Variants in DMD observed in about 807,000 individuals in gnomAD.
The protein encoded by DMD is dystrophin.
Under a neutral mutation model 330.1 loss-of-function variants are expected in DMD, and 63 were observed. That is an observed-to-expected ratio of 0.19 (90% confidence interval 0.16 to 0.24). The LOEUF is 0.24. DMD is among the 10% of genes least tolerant of loss of function. The pLI is 1.00. For missense variants in DMD, 3,344 were observed against 2,684.1 expected (o/e 1.25, Z -5.43); for synonymous variants, 1,223 against 959.8 (o/e 1.27, Z -5.07).
intron 30 of DMD, among the ~76,000 whole-genome samples, chrX:32,401,334 T>TA (rs60364627): frequency 0.17 from 18,972 of 109,346 alleles, 1,601 homozygotes; most frequent in African/African-American, 0.32. Flanking sequence ...AGTATAATAA[T>TA]AAAAAAAAGA....
chrX:31,330,034 C>G (rs1271923834), intron 61 of DMD, among the ~76,000 whole-genome samples: 1 of 96,957 alleles, frequency 1.0e-5, no homozygotes, highest in African/African-American at 3.9e-5. Flanking sequence ...TTGCCATGCA[C>G]AGACACACAC....
chrX:32,328,107 A>G (rs2097660570), intron 41 of DMD, among the ~76,000 whole-genome samples: 1 of 111,661 alleles, frequency 9.0e-6, no homozygotes, highest in African/African-American at 3.2e-5. Flanking sequence ...GAAATAAAGA[A>G]TGTGAAAAAA....
At chrX:33,306,675 C>A (rs771272751) in intron 1 of DMD, among the ~76,000 whole-genome samples, 1 of 110,801 alleles carries the variant, frequency 9.0e-6, no homozygotes, top group East Asian at 2.9e-4. Flanking sequence ...TACATCACAG[C>A]AATATAAATG....
Position 32,712,999 on chromosome X carries a change from A to G in DMD, c.650-13706T>C, listed in dbSNP as rs139922644. On this transcript the variant is annotated intron_variant, in intron 7 of 78. Coordinates refer to ENST00000357033, the MANE Select transcript of DMD (RefSeq NM_004006.3). ...TAGCTAACCTATTCTATCTCTAGAG[A>G]CATGAAATGTCACCCTAATTGTGTA... Among the ~76,000 whole-genome samples the G allele has an allele frequency of 6.7e-3, 749 of 111,494 alleles. 10 individuals are homozygous for G. Among genetic ancestry groups the G allele is most frequent in the African/African-American group, 0.023 (723 of 30,790 alleles).
chrX:31,311,865 C>T (rs1456475309), intron 62 of DMD, among the ~76,000 whole-genome samples: 1 of 111,529 alleles, frequency 9.0e-6, no homozygotes, highest in Non-Finnish European at 1.9e-5. Flanking sequence ...AAAGGATCTC[C>T]TATTCAGTAA....
chrX:31,478,073 C>T (rs1172369718), intron 59 of DMD, 33 bp downstream of exon 59: 28 of 1,205,052 alleles, frequency 2.3e-5, no homozygotes, highest in Non-Finnish European at 3.1e-5. Flanking sequence ...TTGAGTCTCT[C>T]AAAGGGCCCT....
At chrX:32,194,816 T>C (rs2096991716) in intron 44 of DMD, among the ~76,000 whole-genome samples, 1 of 111,828 alleles carries the variant, frequency 8.9e-6, no homozygotes, top group Admixed American at 9.6e-5. Context: ...AAATATAATA[T>C]ATTCATTATG....
At chrX:32,278,469 G>T (rs931738672) in intron 43 of DMD, among the ~76,000 whole-genome samples, 1 of 110,858 alleles carries the variant, frequency 9.0e-6, no homozygotes, top group South Asian at 3.8e-4. Flanking sequence ...GAAAATTTTC[G>T]CAACCTACTC....
At position 32,178,971 on chromosome X, in the gene DMD, T is replaced by TCTCTCC. The variant is rs1557194188; in HGVS notation, c.6438+37944_6438+37945insGGAGAG. Among the ~76,000 whole-genome samples, 106 of 103,527 alleles carry TCTCTCC rather than the reference T, an allele frequency of 1.0e-3. 1 individual carries two copies. The highest frequency in any genetic ancestry group is 3.3e-3 in the African/African-American group (89 of 26,630). The allele number at this position is 103,527 out of a possible 115,157, so 89.9% of individuals were successfully genotyped here. A position where few individuals can be genotyped will look rare whatever the true frequency, so the allele number is the denominator to read the frequency against. ...CTCTCTCTCTCTCTCTCTCTCTCTC[T>TCTCTCC]CTCTCTCTCTCCCTCTCCTCCTGCT... On this transcript the variant is annotated intron_variant, in intron 44 of 78. Coordinates refer to ENST00000357033, the MANE Select transcript of DMD (RefSeq NM_004006.3).
At chrX:32,871,901 C>T (rs2083025677) in intron 2 of DMD, among the ~76,000 whole-genome samples, 1 of 110,965 alleles carries the variant, frequency 9.0e-6, no homozygotes, top group Non-Finnish European at 1.9e-5. Flanking sequence ...CCTCCCTCCC[C>T]ATCATAACAC....
intron 44 of DMD, among the ~76,000 whole-genome samples, chrX:32,151,595 T>A (rs1795590): frequency 0.37 from 40,514 of 110,705 alleles, 5,679 homozygotes; most frequent in Admixed American, 0.44. Context: ...GCAGCAGAAT[T>A]TAGCCACTGG....
chrX:31,856,120 C>T (rs773696829), intron 48 of DMD, among the ~76,000 whole-genome samples: 8 of 111,677 alleles, frequency 7.2e-5, no homozygotes, highest in Middle Eastern at 4.7e-3. Flanking sequence ...AACAATCCAA[C>T]GGAAAATTGG....
chrX:32,529,739 C>G (rs1214487914), intron 17 of DMD, among the ~76,000 whole-genome samples: 12 of 110,635 alleles, frequency 1.1e-4, no homozygotes, highest in Admixed American at 1.1e-3. Context: ...ATCTAGCAAT[C>G]AAATTAAATA....
At chrX:31,364,400 G>C (rs1004025386) in intron 60 of DMD, among the ~76,000 whole-genome samples, 1 of 111,748 alleles carries the variant, frequency 8.9e-6, no homozygotes, top group African/African-American at 3.3e-5. Flanking sequence ...GGTATGTTGA[G>C]GGTGTTAAGA....
At chrX:32,192,991 C>A (rs923086552) in intron 44 of DMD, among the ~76,000 whole-genome samples, 2 of 111,846 alleles carry the variant, frequency 1.8e-5, no homozygotes, top group African/African-American at 6.5e-5. Context: ...GTGGATTTCT[C>A]ATGAATGGTT....
intron 7 of DMD, among the ~76,000 whole-genome samples, chrX:32,730,135 C>A (rs1423746332): frequency 2.7e-5 from 3 of 111,529 alleles, no homozygotes; most frequent in Non-Finnish European, 5.6e-5. Context: ...GAGTTTGAGA[C>A]CAACCGGGGC....
chrX:32,658,945 G>A (rs1032188046), intron 9 of DMD, among the ~76,000 whole-genome samples: 1 of 111,767 alleles, frequency 8.9e-6, no homozygotes, highest in African/African-American at 3.2e-5. Context: ...CCTGAAAATA[G>A]ATATGATACT....
chrX:31,162,356 T>TAAAAAAAAAAAAAAAAAAAAA (rs57908991), intron 74 of DMD, among the ~76,000 whole-genome samples: 1 of 50,617 alleles, frequency 2.0e-5, no homozygotes, highest in African/African-American at 6.6e-5. Flanking sequence ...ATGAAAAATC[T>TAAAAAAAAAAAAAAAAAAAAA]AAAAAAAAAA....
chrX:32,429,226 T>C (rs1315418561), intron 29 of DMD, among the ~76,000 whole-genome samples: 2 of 93,754 alleles, frequency 2.1e-5, no homozygotes, highest in South Asian at 9.7e-4. Context: ...TTTTTTTTTT[T>C]TGAGGCAGAG....
Sources: allele counts gnomAD v4.1 joint callset (sites outside exome capture counted in the v4.1 genomes callset), GRCh38; gene constraint gnomAD v4.1.1; transcripts MANE v1.5; gene names NCBI Gene and HGNC (gene_info 2026-07-23, HGNC 2026-07-21).